DYNC2I2: variants seen among roughly 807,000 people sequenced by gnomAD.
DYNC2I2 encodes cytoplasmic dynein 2 intermediate chain 2.
In DYNC2I2, 39 loss-of-function variants were observed where a neutral mutation model predicts 52.0. The observed-to-expected ratio is 0.75, with a 90% CI of 0.58 to 0.98. The LOEUF (loss-of-function observed/expected upper bound fraction) is 0.98. Ranked by LOEUF, DYNC2I2 falls within the 50% of genes least tolerant of loss-of-function variation. The probability of loss-of-function intolerance (pLI) is 0.00; values close to 1 mark genes in which losing one functional copy is unlikely to be tolerated. For missense variants in DYNC2I2, 743 were observed against 728.4 expected, an observed-to-expected ratio of 1.02 and a Z score of -0.23; for synonymous variants, 359 against 321.1, an observed-to-expected ratio of 1.12 and a Z score of -1.26.
intron 2 of DYNC2I2, 148 bp from the exon 3 acceptor site, chr9:128,637,175 T>C (rs1193139724): frequency 3.3e-6 from 2 of 609,958 alleles, no homozygotes; most frequent in Admixed American, 2.8e-5. Flanking sequence ...GGCACGTTCA[T>C]CCCCACATCT....
the DYNC2I2 span, chr9:128,684,106 A>T: frequency 1.1e-6 from 1 of 943,210 alleles, no homozygotes; most frequent in Non-Finnish European, 1.6e-6. Context: ...GTGACCCCTA[A>T]GCACCCCCAA....
Position 128,636,977 on chromosome 9 carries a change from C to G in DYNC2I2, c.486G>C (p.Leu162=). 1.9e-6 allele frequency: 3 copies of G among 1,613,484 alleles called. No homozygotes were observed. Among genetic ancestry groups the G allele is most frequent in the Non-Finnish European group, 2.5e-6 (3 of 1,180,006 alleles). ...LGYPPAQAQG[L]HVTSISWNST... ...AGTTCCAGGAGATGCTGGTCACATG[C>G]AGACCCTGCGCTTGGGCTGGCGGGT... is the stretch of plus-strand genomic sequence containing the variant. The change falls in exon 3 of 9, where the codon CTG becomes CTC. Residue 162 remains leucine, a synonymous_variant. Coordinates refer to ENST00000372715, the MANE Select transcript of DYNC2I2 (RefSeq NM_052844.4).
intron 1 of DYNC2I2, among the ~76,000 whole-genome samples, chr9:128,643,619 G>A (rs1377967423): frequency 1.3e-5 from 2 of 152,138 alleles, no homozygotes; most frequent in African/African-American, 4.8e-5. Context: ...TTGAGTCCAG[G>A]AAGTGGAGGC....
At chr9:128,678,487 G>C in the DYNC2I2 span, among the ~76,000 whole-genome samples, 4 of 97,868 alleles carry the variant, frequency 4.1e-5, no homozygotes, top group Admixed American at 3.2e-4. Context: ...TGGAGACAGA[G>C]TCTTGCTCTT....
the DYNC2I2 span, chr9:128,683,979 G>A: frequency 1.1e-5 from 17 of 1,555,432 alleles, no homozygotes; most frequent in African/African-American, 1.5e-4. Context: ...AGGAGACATC[G>A]GCCTCTGCAG....
At chr9:128,641,004 C>T in intron 1 of DYNC2I2, 65 bp from the exon 2 acceptor site, 1 of 1,501,778 alleles carries the variant, frequency 6.7e-7, no homozygotes, top group East Asian at 2.3e-5. Context: ...ACCCAGCCCC[C>T]TGCCTGCCCC....
chr9:128,668,181 G>T, the DYNC2I2 span, among the ~76,000 whole-genome samples: 3 of 150,740 alleles, frequency 2.0e-5, no homozygotes, highest in East Asian at 2.0e-4. Flanking sequence ...GGATGGTCTT[G>T]ATCTCCTGAC....
At chr9:128,683,714 G>T in the DYNC2I2 span, 1 of 520,122 alleles carries the variant, frequency 1.9e-6, no homozygotes, top group Non-Finnish European at 3.4e-6. Flanking sequence ...TTGGAGGGTG[G>T]GTGGGATGAG....
intron 1 of DYNC2I2, among the ~76,000 whole-genome samples, chr9:128,648,635 A>AC (rs1399395756): frequency 1.3e-5 from 2 of 149,218 alleles, no homozygotes; most frequent in Non-Finnish European, 3.0e-5. Flanking sequence ...AAAATACAAA[A>AC]AAAAAAAAAA....
At chr9:128,666,074 CA>C in the DYNC2I2 span, among the ~76,000 whole-genome samples, 1 of 151,222 alleles carries the variant, frequency 6.6e-6, no homozygotes, top group Non-Finnish European at 1.5e-5. Context: ...GACTCCGTCT[CA>C]AAAAAATAGA....
At chr9:128,649,354 G>A (rs1367067068) in intron 1 of DYNC2I2, among the ~76,000 whole-genome samples, 1 of 152,030 alleles carries the variant, frequency 6.6e-6, no homozygotes, top group Non-Finnish European at 1.5e-5. Context: ...TGAAGTGGGA[G>A]GATCGCTTAA....
At chr9:128,643,627 G>T (rs1250368751) in intron 1 of DYNC2I2, among the ~76,000 whole-genome samples, 1 of 151,870 alleles carries the variant, frequency 6.6e-6, no homozygotes, top group Non-Finnish European at 1.5e-5. Context: ...AGGAAGTGGA[G>T]GCTGCAGTGA....
intron 1 of DYNC2I2, among the ~76,000 whole-genome samples, chr9:128,653,403 C>A (rs1052611053): frequency 3.3e-5 from 5 of 150,644 alleles, no homozygotes; most frequent in African/African-American, 5.0e-5. Context: ...TATGGCGAAA[C>A]CCCGTCACTA....
the DYNC2I2 span, among the ~76,000 whole-genome samples, chr9:128,664,250 C>A: frequency 2.0e-5 from 3 of 152,026 alleles, no homozygotes; most frequent in African/African-American, 7.2e-5. Flanking sequence ...CCACGCCCAG[C>A]CTGTTTAGCA....
chr9:128,653,289 T>C (rs545697679), intron 1 of DYNC2I2, among the ~76,000 whole-genome samples: 5 of 150,254 alleles, frequency 3.3e-5, no homozygotes, highest in Non-Finnish European at 5.9e-5. Flanking sequence ...TTGTAATATC[T>C]ATACCTTGGG....
Position 128,633,927 on chromosome 9 carries a change from G to C in DYNC2I2, c.1428C>G (p.Ile476Met), listed in dbSNP as rs1860259818. Residue 476 changes from isoleucine to methionine, a missense_variant, in exon 9 of 9, where the codon ATC (isoleucine) becomes ATG (methionine). Transcript: ENST00000372715. ...QKSSQKPTVL[I>M]KQTQDESPVY... ...CAGGGCTTTCATCCTGGGTTTGCTTGATCAAAACTGTGGGTTTCTGGGAGC... is the reference window on the plus strand; with the variant it reads ...CAGGGCTTTCATCCTGGGTTTGCTTCATCAAAACTGTGGGTTTCTGGGAGC... The C allele has an allele frequency of 1.9e-6, 3 of 1,613,108 alleles. No individual in the cohort carries two copies. The highest frequency in any genetic ancestry group is 1.7e-5 in the Admixed American group (1 of 60,010).
chr9:128,634,760 C>A lies in DYNC2I2; in HGVS notation c.1143G>T (p.Arg381=). Residue 381 remains arginine, a synonymous_variant, in exon 7 of 9, where the codon CGG becomes CGT. Transcript: ENST00000372715. The part of the protein sequence containing the change: ...LTRMPSSVPL[R]APAQFTFSPH... ...GGGAGAAGGTAAACTGTGCTGGGGC[C>A]CGCAGGGGCACGGAGCTGGGCATCC... The A allele has an allele frequency of 6.2e-7, 1 of 1,605,726 alleles. No individual in the cohort carries two copies. The highest frequency in any genetic ancestry group is 8.5e-7 in the Non-Finnish European group (1 of 1,176,582).
intron 1 of DYNC2I2, among the ~76,000 whole-genome samples, chr9:128,641,836 C>T (rs951938247): frequency 6.6e-6 from 1 of 152,098 alleles, no homozygotes; most frequent in African/African-American, 2.4e-5. Flanking sequence ...CCACCCTCAC[C>T]TCCACAGGCC....
intron 1 of DYNC2I2, among the ~76,000 whole-genome samples, chr9:128,655,939 G>A (rs1391671650): frequency 1.4e-5 from 2 of 142,954 alleles, no homozygotes; most frequent in Non-Finnish European, 3.0e-5. Context: ...TGAACGCGGT[G>A]GCTCACACCT....
Sources: allele counts gnomAD v4.1 joint callset (sites outside exome capture counted in the v4.1 genomes callset), GRCh38; gene constraint gnomAD v4.1.1; transcripts MANE v1.5; gene names NCBI Gene and HGNC (gene_info 2026-07-23, HGNC 2026-07-21).